The following MAD1L1 variants were observed in gnomAD, a reference collection of about 807,000 sequenced individuals.
MAD1L1 encodes mitotic spindle assembly checkpoint protein MAD1.
Under a neutral mutation model 96.9 loss-of-function variants are expected in MAD1L1, and 95 were observed. The ratio of observed to expected loss-of-function variants is 0.98; its 90% CI spans 0.83 to 1.16. The LOEUF (loss-of-function observed/expected upper bound fraction) is 1.16, where lower values mean the gene tolerates loss of function less well. MAD1L1 is among the 50% of genes most tolerant of loss of function. The pLI is 0.00. For missense variants in MAD1L1, 1,007 were observed against 954.4 expected, an observed-to-expected ratio of 1.06 and a Z score of -0.73; for synonymous variants, 473 against 396.6, an observed-to-expected ratio of 1.19 and a Z score of -2.29.
chr7:1,853,877 G>A (rs1202177135), intron 18 of MAD1L1, among the ~76,000 whole-genome samples: 1 of 152,214 alleles, frequency 6.6e-6, no homozygotes, highest in Admixed American at 6.5e-5. Context: ...CCGTCTGACA[G>A]GTGGACTCTC....
At position 1,918,450 on chromosome 7, in the gene MAD1L1, G is replaced by A. The variant is rs537714143; in HGVS notation, c.1807+18237C>T. 2.3e-4 allele frequency among the ~76,000 whole-genome samples: 35 copies of A among 152,296 alleles called. 1 individual carries two copies. In the South Asian group the frequency reaches 6.2e-3, roughly 27 times the overall value. ...CCGCAGTCACGCCACTGGGGACGGT[G>A]CTTCAGCCCTCCGCACTGCCCAGGA... On this transcript the variant is annotated intron_variant, in intron 17 of 18. Transcript: ENST00000265854.
chr7:2,020,051 C>T (rs765132770), intron 12 of MAD1L1, among the ~76,000 whole-genome samples: 3 of 152,256 alleles, frequency 2.0e-5, no homozygotes, highest in Non-Finnish European at 4.4e-5. Flanking sequence ...AGGCACAGGG[C>T]TGAGGGAAGA....
At chr7:1,989,250 G>A (rs1360435662) in intron 14 of MAD1L1, among the ~76,000 whole-genome samples, 1 of 152,192 alleles carries the variant, frequency 6.6e-6, no homozygotes, top group Non-Finnish European at 1.5e-5. Context: ...CCGCCAGGAC[G>A]GCTCTAACGA....
At chr7:2,038,096 A>G (rs2128509174) in intron 12 of MAD1L1, among the ~76,000 whole-genome samples, 1 of 152,308 alleles carries the variant, frequency 6.6e-6, no homozygotes, top group Middle Eastern at 3.4e-3. Flanking sequence ...GCTGATACGG[A>G]GAAGTCTGAG....
intron 11 of MAD1L1, among the ~76,000 whole-genome samples, chr7:2,125,410 G>C (rs1485179877): frequency 6.6e-6 from 1 of 152,208 alleles, no homozygotes; most frequent in Non-Finnish European, 1.5e-5. Context: ...TGTCCCCCGG[G>C]CGACAGCTCA....
At chr7:1,817,689 T>C (rs953752453) in intron 18 of MAD1L1, among the ~76,000 whole-genome samples, 1 of 152,114 alleles carries the variant, frequency 6.6e-6, no homozygotes, top group Admixed American at 6.5e-5. Flanking sequence ...AATGGAGCGC[T>C]AGACGTGAGG....
chr7:2,123,104 C>A (rs1304424379), intron 11 of MAD1L1, among the ~76,000 whole-genome samples: 1 of 151,874 alleles, frequency 6.6e-6, no homozygotes, highest in African/African-American at 2.4e-5. Flanking sequence ...GAGATTGAGA[C>A]CATCCTGGCT....
chr7:1,929,662 C>T (rs959968143), intron 17 of MAD1L1, among the ~76,000 whole-genome samples: 1 of 151,968 alleles, frequency 6.6e-6, no homozygotes, highest in Non-Finnish European at 1.5e-5. Flanking sequence ...TTGGGGAAGC[C>T]GTGGCAAACA....
intron 17 of MAD1L1, among the ~76,000 whole-genome samples, chr7:1,912,715 C>A (rs964016427): frequency 6.6e-6 from 1 of 152,216 alleles, no homozygotes; most frequent in African/African-American, 2.4e-5. Flanking sequence ...CCACCGCGCA[C>A]GCACCTCCCA....
At chr7:2,187,165 T>C (rs560088589) in intron 10 of MAD1L1, among the ~76,000 whole-genome samples, 1 of 152,022 alleles carries the variant, frequency 6.6e-6, no homozygotes, top group East Asian at 2.0e-4. Context: ...CTGGCCAACA[T>C]GACAAAACCT....
chr7:1,967,283 A>G (rs1275478193), intron 15 of MAD1L1, among the ~76,000 whole-genome samples: 1 of 152,224 alleles, frequency 6.6e-6, no homozygotes, highest in African/African-American at 2.4e-5. Context: ...TGCTAAATTA[A>G]AATGAAATAC....
At chr7:1,882,183 C>A (rs879741243) in intron 18 of MAD1L1, among the ~76,000 whole-genome samples, 1 of 152,218 alleles carries the variant, frequency 6.6e-6, no homozygotes, top group Non-Finnish European at 1.5e-5. Flanking sequence ...AAGTACCCCA[C>A]CCTGGGCTGG....
intron 17 of MAD1L1, among the ~76,000 whole-genome samples, chr7:1,917,226 G>T (rs1008400028): frequency 6.6e-6 from 1 of 152,198 alleles, no homozygotes; most frequent in African/African-American, 2.4e-5. Context: ...GCCGCGGCAT[G>T]GAGCCACCCG....
At chr7:2,160,011 T>G (rs1280941925) in intron 10 of MAD1L1, among the ~76,000 whole-genome samples, 1 of 152,040 alleles carries the variant, frequency 6.6e-6, no homozygotes, top group Non-Finnish European at 1.5e-5. Context: ...GTAGATCACT[T>G]GAGCCCAGGA....
At chr7:2,042,890 TCCACG>T in intron 12 of MAD1L1, among the ~76,000 whole-genome samples, 1 of 118,058 alleles carries the variant, frequency 8.5e-6, no homozygotes, top group South Asian at 2.9e-4. Context: ...CATGTCCACG[TCCACG>T]TCCACGTCCA....
At chr7:1,917,697 C>T (rs974473607) in intron 17 of MAD1L1, among the ~76,000 whole-genome samples, 8 of 152,186 alleles carry the variant, frequency 5.3e-5, no homozygotes, top group Admixed American at 1.3e-4. Flanking sequence ...GGGACCGTAG[C>T]AAGAGCAAGA....
At chr7:2,044,374 G>C (rs1300900937) in intron 12 of MAD1L1, among the ~76,000 whole-genome samples, 1 of 152,182 alleles carries the variant, frequency 6.6e-6, no homozygotes, top group South Asian at 2.1e-4. Flanking sequence ...CCAGGCTCCT[G>C]AGAGGACGCT....
intron 18 of MAD1L1, among the ~76,000 whole-genome samples, chr7:1,888,633 T>C (rs926320425): frequency 6.6e-6 from 1 of 151,950 alleles, no homozygotes; most frequent in Non-Finnish European, 1.5e-5. Context: ...CATGCGTGCA[T>C]GTGGATGCCT....
At chr7:1,835,323 A>C (rs1782890392) in intron 18 of MAD1L1, among the ~76,000 whole-genome samples, 2 of 152,232 alleles carry the variant, frequency 1.3e-5, no homozygotes, top group South Asian at 4.1e-4. Context: ...TAGTGAAATA[A>C]CACAAGAACA....
Sources: allele counts gnomAD v4.1 joint callset (sites outside exome capture counted in the v4.1 genomes callset), GRCh38; gene constraint gnomAD v4.1.1; transcripts MANE v1.5; gene names NCBI Gene and HGNC (gene_info 2026-07-23, HGNC 2026-07-21).